PARD3: variants seen among roughly 807,000 people sequenced by gnomAD.
The protein encoded by PARD3 is partitioning defective 3 homolog.
PARD3 carries 75 observed loss-of-function variants against 155.4 expected under a neutral mutation model. That is an observed-to-expected ratio of 0.48 (90% CI 0.40 to 0.58). The LOEUF (loss-of-function observed/expected upper bound fraction) is 0.58. PARD3 is among the 20% of genes least tolerant of loss of function. The pLI, the probability that PARD3 is intolerant of heterozygous loss-of-function variation, is 0.00. For missense variants in PARD3, 1,642 were observed against 1,721.7 expected, an observed-to-expected ratio of 0.95 and a Z score of 0.82; for synonymous variants, 576 against 610.5, an observed-to-expected ratio of 0.94 and a Z score of 0.83.
At chr10:34,449,286 T>G (rs936353181) in intron 5 of PARD3, among the ~76,000 whole-genome samples, 3 of 152,008 alleles carry the variant, frequency 2.0e-5, no homozygotes, top group African/African-American at 7.3e-5. Context: ...TACTGTACCC[T>G]TTAAATATAT....
At chr10:34,351,497 T>C (rs1284859209) in intron 14 of PARD3, among the ~76,000 whole-genome samples, 2 of 152,184 alleles carry the variant, frequency 1.3e-5, no homozygotes, top group African/African-American at 4.8e-5. Context: ...CAGGTGAACA[T>C]AAAGCAACTA....
chr10:34,638,192 C>T (rs1471733612), intron 2 of PARD3, among the ~76,000 whole-genome samples: 1 of 152,154 alleles, frequency 6.6e-6, no homozygotes, highest in African/African-American at 2.4e-5. Context: ...GAAAGAAATA[C>T]CTGAGATTTC....
intron 19 of PARD3, among the ~76,000 whole-genome samples, chr10:34,326,885 G>T (rs1012509809): frequency 6.6e-6 from 1 of 152,120 alleles, no homozygotes; most frequent in Non-Finnish European, 1.5e-5. Flanking sequence ...AAGGCACAAA[G>T]TTTGTCACAT....
intron 2 of PARD3, among the ~76,000 whole-genome samples, chr10:34,622,827 CTTTT>C (rs567045063): frequency 1.8e-5 from 2 of 113,452 alleles, no homozygotes; most frequent in Non-Finnish European, 3.9e-5. Flanking sequence ...TTCTTTTTTT[CTTTT>C]TTTTTTTTTT....
chr10:34,340,196 T>A (rs1376045839), intron 16 of PARD3, among the ~76,000 whole-genome samples: 1 of 152,166 alleles, frequency 6.6e-6, no homozygotes, highest in East Asian at 1.9e-4. Flanking sequence ...TCCCTTCTAC[T>A]TATTTATCTA....
At chr10:34,696,545 C>A in intron 1 of PARD3, 126 bp from the exon 2 acceptor site, 1 of 666,532 alleles carries the variant, frequency 1.5e-6, no homozygotes, top group Non-Finnish European at 2.7e-6. Context: ...AATACTGCAA[C>A]TGATTAAAAA....
chr10:34,284,014 T>C, intron 21 of PARD3, 121 bp downstream of exon 21: 1 of 650,578 alleles, frequency 1.5e-6, no homozygotes, highest in Non-Finnish European at 2.7e-6. Context: ...ATATTTGGGT[T>C]GATACAGGAA....
intron 5 of PARD3, among the ~76,000 whole-genome samples, chr10:34,443,969 G>A (rs61698328): frequency 0.075 from 11,418 of 152,116 alleles, 1,307 homozygotes; most frequent in African/African-American, 0.25. Flanking sequence ...CGTAGACATC[G>A]GCATTTTGTC....
intron 1 of PARD3, among the ~76,000 whole-genome samples, chr10:34,750,070 CAA>C (rs59424823): frequency 2.2e-5 from 3 of 135,154 alleles, no homozygotes; most frequent in African/African-American, 2.8e-5. Flanking sequence ...CACACACACA[CAA>C]AACCCGCAGT....
In PARD3 at chr10:34,815,055, C is replaced by G; in HGVS notation, c.-60G>C. 8.4e-7 allele frequency: 1 copy of G among 1,188,536 alleles called. No homozygotes were observed. The highest frequency in any genetic ancestry group is 1.1e-6 in the Non-Finnish European group (1 of 949,602). 73.6% of individuals were successfully genotyped at this position (1,188,536 alleles called of 1,614,324 possible). ...CCGAGCGCAGCCGGAGCAGCCGAGGCCGGGACCGAGGACGCTGGGCGCGGA... is the reference window on the plus strand; with the variant it reads ...CCGAGCGCAGCCGGAGCAGCCGAGGGCGGGACCGAGGACGCTGGGCGCGGA... On this transcript the variant is annotated 5_prime_UTR_variant, in exon 1 of 25. Coordinates refer to ENST00000374788, the MANE Select transcript of PARD3 (RefSeq NM_001184785.2).
At chr10:34,638,990 C>G (rs2092578248) in intron 2 of PARD3, among the ~76,000 whole-genome samples, 1 of 152,222 alleles carries the variant, frequency 6.6e-6, no homozygotes, top group African/African-American at 2.4e-5. Flanking sequence ...TGACTTCTAA[C>G]TAGGCCTAGG....
chr10:34,460,758 G>T (rs956575229), intron 4 of PARD3, among the ~76,000 whole-genome samples: 1 of 152,048 alleles, frequency 6.6e-6, no homozygotes, highest in Non-Finnish European at 1.5e-5. Context: ...GCATGAACCT[G>T]GGAGGCAGAG....
intron 19 of PARD3, among the ~76,000 whole-genome samples, chr10:34,330,810 TAAA>T (rs1372661811): frequency 6.6e-6 from 1 of 152,172 alleles, no homozygotes; most frequent in African/African-American, 2.4e-5. Flanking sequence ...ATGGCACTGT[TAAA>T]TATTTTTTCA....
intron 14 of PARD3, 100 bp downstream of exon 14, chr10:34,359,047 T>A: frequency 2.7e-6 from 2 of 748,542 alleles, no homozygotes; most frequent in Non-Finnish European, 4.4e-6. Flanking sequence ...TATGGTCTTT[T>A]GATGTAAGGT....
chr10:34,711,128 G>T (rs2094443778), intron 1 of PARD3, among the ~76,000 whole-genome samples: 1 of 152,074 alleles, frequency 6.6e-6, no homozygotes, highest in South Asian at 2.1e-4. Context: ...GATGAACTAA[G>T]ATTGCATTGC....
chr10:34,640,400 T>C (rs532802293), intron 2 of PARD3, among the ~76,000 whole-genome samples: 8 of 152,308 alleles, frequency 5.3e-5, no homozygotes, highest in Non-Finnish European at 8.8e-5. Flanking sequence ...GCAGATCACC[T>C]GAGGTCAGGA....
At chr10:34,310,157 G>T (rs920267473) in intron 20 of PARD3, among the ~76,000 whole-genome samples, 1 of 152,102 alleles carries the variant, frequency 6.6e-6, no homozygotes, top group African/African-American at 2.4e-5. Flanking sequence ...ACATGTACTT[G>T]ATCTATTATA....
At chr10:34,695,969 C>A (rs759100101) in intron 2 of PARD3, among the ~76,000 whole-genome samples, 1 of 152,092 alleles carries the variant, frequency 6.6e-6, no homozygotes, top group Non-Finnish European at 1.5e-5. Context: ...GTTGTATACA[C>A]GGAGATGATA....
chr10:34,384,306 C>T, intron 7 of PARD3, 52 bp from the exon 8 acceptor site: 1 of 1,542,552 alleles, frequency 6.5e-7, no homozygotes, highest in Non-Finnish European at 8.9e-7. Flanking sequence ...CCACCATGCA[C>T]ACTGCCTTAC....
Sources: gnomAD v4.1 joint callset for allele counts (sites outside exome capture counted in the v4.1 genomes callset) on GRCh38, gnomAD v4.1.1 for gene constraint, MANE v1.5 for transcripts, NCBI Gene and HGNC (gene_info 2026-07-23, HGNC 2026-07-21) for gene names.